NAPEPLD: variants seen among roughly 807,000 people sequenced by gnomAD.
NAPEPLD encodes the protein N-acyl-phosphatidylethanolamine-hydrolyzing phospholipase D.
A neutral mutation model predicts 38.1 loss-of-function variants in NAPEPLD; 23 were observed. That is an observed-to-expected ratio of 0.60 (90% CI 0.43 to 0.86). The LOEUF (loss-of-function observed/expected upper bound fraction) is 0.86. Ranked by LOEUF, NAPEPLD falls within the 40% of genes least tolerant of loss-of-function variation. The probability of loss-of-function intolerance (pLI) is 0.00; values close to 1 mark genes in which losing one functional copy is unlikely to be tolerated. For missense variants in NAPEPLD, 411 were observed against 476.8 expected, an observed-to-expected ratio of 0.86 and a Z score of 1.28; for synonymous variants, 147 against 162.0, an observed-to-expected ratio of 0.91 and a Z score of 0.71.
At chr7:103,106,584 C>T (rs1240189526) in intron 4 of NAPEPLD, among the ~76,000 whole-genome samples, 1 of 152,126 alleles carries the variant, frequency 6.6e-6, no homozygotes, top group African/African-American at 2.4e-5. Context: ...TCCGCCACTG[C>T]TGAAGCTTGA....
chr7:103,124,454 G>A (rs752469983), intron 2 of NAPEPLD, among the ~76,000 whole-genome samples: 2 of 151,368 alleles, frequency 1.3e-5, no homozygotes, highest in African/African-American at 2.4e-5. Context: ...GCAAAACTCC[G>A]TCTTAGAAAA....
intron 1 of NAPEPLD, among the ~76,000 whole-genome samples, chr7:103,140,387 C>CT (rs377763676): frequency 0.7 from 65,356 of 92,732 alleles, 24,732 homozygotes; most frequent in Non-Finnish European, 0.8. Context: ...TCACAGAACT[C>CT]TTTTTTTTTT....
intron 2 of NAPEPLD, chr7:103,127,019 T>A (rs1328103261): frequency 3.3e-5 from 5 of 152,096 alleles, no homozygotes; most frequent in Non-Finnish European, 5.9e-5. Flanking sequence ...CTACTATAAC[T>A]AATAGTCATT....
intron 1 of NAPEPLD, among the ~76,000 whole-genome samples, chr7:103,146,639 C>T (rs186625050): frequency 1.2e-4 from 18 of 152,348 alleles, no homozygotes; most frequent in Non-Finnish European, 2.4e-4. Flanking sequence ...ACATGCCAGA[C>T]CTGTGCCTCC....
At position 103,128,464 on chromosome 7, in the gene NAPEPLD, C is replaced by T. The variant is rs758745582; in HGVS notation, c.294+19G>A. On this transcript the variant is annotated intron_variant, in intron 2 of 4. Coordinates refer to ENST00000465647, the MANE Select transcript of NAPEPLD (RefSeq NM_001122838.3). ...ATATGAAGAGCAAATATAAAGCACT[C>T]AAAAAAGCCAAGCGCTACCTCTTTA... The T allele has an allele frequency of 7.4e-6, 12 of 1,611,718 alleles. No homozygotes were observed. The highest frequency in any genetic ancestry group is 1.0e-5 in the Non-Finnish European group (12 of 1,179,366).
chr7:103,148,893 G>A lies in NAPEPLD; in HGVS notation c.-99C>T. 3 of 985,208 alleles carry A rather than the reference G, an allele frequency of 3.0e-6. No homozygotes were observed. The highest frequency in any genetic ancestry group is 4.7e-5 in the South Asian group (1 of 21,284). 61.0% of individuals were successfully genotyped at this position (985,208 alleles called of 1,614,324 possible). On this transcript the variant is annotated 5_prime_UTR_variant, in exon 1 of 5. Coordinates refer to ENST00000465647, the MANE Select transcript of NAPEPLD (RefSeq NM_001122838.3). ...AATCCCAGACAGCTACTCTCCCAAA[G>A]AGAAAAAAAATAATGCTGTGGCTCT...
chr7:103,105,033 C>T (rs1803022366), intron 4 of NAPEPLD, among the ~76,000 whole-genome samples: 1 of 152,158 alleles, frequency 6.6e-6, no homozygotes, highest in Non-Finnish European at 1.5e-5. Context: ...TGGCAGTAGA[C>T]CCTCTGTCTT....
At chr7:103,126,612 T>C (rs1256479912) in intron 2 of NAPEPLD, among the ~76,000 whole-genome samples, 1 of 151,968 alleles carries the variant, frequency 6.6e-6, no homozygotes, top group Admixed American at 6.6e-5. Flanking sequence ...TTTTTTGTTT[T>C]GTTTTGTTTT....
At chr7:103,113,273 A>G (rs1168676065) in intron 4 of NAPEPLD, among the ~76,000 whole-genome samples, 1 of 152,130 alleles carries the variant, frequency 6.6e-6, no homozygotes, top group Admixed American at 6.5e-5. Flanking sequence ...ATTCTCATTT[A>G]TCCTCCCCAC....
Position 103,128,532 on chromosome 7 carries a change from C to G in NAPEPLD, c.245G>C (p.Arg82Thr), listed in dbSNP as rs1367983921. Residue 82 changes from arginine to threonine, a missense_variant, in exon 2 of 5, where the codon AGA (arginine) becomes ACA (threonine). Coordinates refer to ENST00000465647, the MANE Select transcript of NAPEPLD (RefSeq NM_001122838.3). ...WKNPSIPNVL[R>T]WLIMEKDHSS... ...GTGATCTTTCTCCATTATCAGCCAT[C>G]TGAGAACATTTGGAATAGAGGGGTT... The G allele has an allele frequency of 1.9e-6, 3 of 1,614,228 alleles. No individual in the cohort carries two copies. Among genetic ancestry groups the G allele is most frequent in the East Asian group, 4.5e-5 (2 of 44,872 alleles).
chr7:103,112,234 G>A (rs572970451), intron 4 of NAPEPLD, among the ~76,000 whole-genome samples: 1 of 152,090 alleles, frequency 6.6e-6, no homozygotes, highest in South Asian at 2.1e-4. Context: ...ACCATTTGAC[G>A]CAGCAATCCC....
intron 4 of NAPEPLD, among the ~76,000 whole-genome samples, chr7:103,111,433 C>T (rs1393703933): frequency 7.9e-5 from 12 of 152,152 alleles, no homozygotes; most frequent in African/African-American, 2.7e-4. Context: ...TGGAACAGAA[C>T]AGAGGCCTCA....
chr7:103,119,606 T>TG lies in NAPEPLD; in HGVS notation c.911dup (p.Ala305SerfsTer8), dbSNP rs777274884. ...GTTCATAAGCTCCGATGGGAATAGCTGCAAGGTCAAAAGGTCCAAATCTTT... is the reference window on the plus strand; with the variant it reads ...GTTCATAAGCTCCGATGGGAATAGCTGGCAAGGTCAAAAGGTCCAAATCTTT... On this transcript the variant is annotated frameshift_variant, in exon 3 of 5. Coordinates refer to ENST00000465647, the MANE Select transcript of NAPEPLD (RefSeq NM_001122838.3). LOFTEE classifies it high-confidence loss of function. 6.2e-7 allele frequency: 1 copy of TG among 1,614,160 alleles called. No individual in the cohort carries two copies. Among genetic ancestry groups the TG allele is most frequent in the South Asian group, 1.1e-5 (1 of 91,080 alleles).
intron 4 of NAPEPLD, among the ~76,000 whole-genome samples, chr7:103,108,204 G>A (rs1322380677): frequency 2.7e-5 from 4 of 148,340 alleles, no homozygotes; most frequent in Non-Finnish European, 5.9e-5. Flanking sequence ...GTGCAGTGGT[G>A]CAGTCTCAGC....
chr7:103,139,071 G>A (rs1265000003), intron 1 of NAPEPLD, among the ~76,000 whole-genome samples: 1 of 152,194 alleles, frequency 6.6e-6, no homozygotes, highest in Non-Finnish European at 1.5e-5. Context: ...GTTATCTACT[G>A]GAAGAAAGTG....
intron 1 of NAPEPLD, among the ~76,000 whole-genome samples, chr7:103,131,023 T>C (rs1025774326): frequency 6.6e-6 from 1 of 152,148 alleles, no homozygotes; most frequent in African/African-American, 2.4e-5. Context: ...CCTCACTTCG[T>C]TTAACAGATG....
chr7:103,109,880 A>G (rs11768770), intron 4 of NAPEPLD, among the ~76,000 whole-genome samples: 133,043 of 152,014 alleles, frequency 0.88, 60,960 homozygotes, highest in East Asian at 1. Flanking sequence ...AAAATGATAA[A>G]GGAGATATCA....
intron 1 of NAPEPLD, among the ~76,000 whole-genome samples, chr7:103,134,616 G>A (rs547620333): frequency 5.7e-4 from 87 of 151,966 alleles, no homozygotes; most frequent in Non-Finnish European, 1.0e-3. Context: ...CAGCCTGAGC[G>A]ACAGAGTGAG....
At chr7:103,121,327 G>A (rs1806651784) in intron 2 of NAPEPLD, among the ~76,000 whole-genome samples, 1 of 152,190 alleles carries the variant, frequency 6.6e-6, no homozygotes, top group Non-Finnish European at 1.5e-5. Flanking sequence ...CTTTTATAAA[G>A]CTCTTTTACT....
Sources: allele counts gnomAD v4.1 joint callset (sites outside exome capture counted in the v4.1 genomes callset), GRCh38; gene constraint gnomAD v4.1.1; transcripts MANE v1.5; gene names NCBI Gene and HGNC (gene_info 2026-07-23, HGNC 2026-07-21).